Variants in CNTN5 observed in about 807,000 individuals in gnomAD.
The protein encoded by CNTN5 is contactin 5.
A neutral mutation model predicts 129.1 loss-of-function variants in CNTN5; 77 were observed. The ratio of observed to expected loss-of-function variants is 0.60; its 90% CI spans 0.50 to 0.72. The LOEUF is 0.72. Ranked by LOEUF, CNTN5 falls within the 30% of genes least tolerant of loss-of-function variation. The pLI, the probability that CNTN5 is intolerant of heterozygous loss-of-function variation, is 0.00. For missense variants in CNTN5, 1,478 were observed against 1,328.8 expected, an observed-to-expected ratio of 1.11 and a Z score of -1.75; for synonymous variants, 509 against 465.6, an observed-to-expected ratio of 1.09 and a Z score of -1.20.
chr11:99,570,250 T>C (rs1949136068), intron 3 of CNTN5, among the ~76,000 whole-genome samples: 1 of 152,182 alleles, frequency 6.6e-6, no homozygotes, highest in Non-Finnish European at 1.5e-5. Flanking sequence ...CAAAGCTATT[T>C]TTATTTAATA....
At chr11:99,625,715 A>G (rs763271455) in intron 3 of CNTN5, among the ~76,000 whole-genome samples, 2 of 152,080 alleles carry the variant, frequency 1.3e-5, no homozygotes, top group Admixed American at 6.6e-5. Flanking sequence ...CATACATCCC[A>G]TCACTTTTCT....
chr11:99,159,419 G>A (rs1860494009), intron 1 of CNTN5, among the ~76,000 whole-genome samples: 1 of 152,036 alleles, frequency 6.6e-6, no homozygotes, highest in Non-Finnish European at 1.5e-5. Context: ...TCAGGAGATC[G>A]AGACCATCCT....
chr11:100,351,907 AT>A lies in CNTN5; in HGVS notation c.3199+1048del, dbSNP rs369952668. ...AGTCAGACCAGAGGCATTGCTTGTG[AT>A]TTTTTTTTTTATGCCACCAAGTGAA... On this transcript the variant is annotated intron_variant, in intron 24 of 24. Transcript: ENST00000524871. 3.1e-3 allele frequency among the ~76,000 whole-genome samples: 448 copies of A among 146,318 alleles called. 15 individuals carry two copies. In the East Asian group the frequency reaches 0.063, roughly 21 times the overall value.
chr11:99,273,954 T>C (rs937249105), intron 1 of CNTN5, among the ~76,000 whole-genome samples: 1 of 151,738 alleles, frequency 6.6e-6, no homozygotes, highest in Non-Finnish European at 1.5e-5. Context: ...ACTGATCCTC[T>C]ACACCTGTGT....
At chr11:99,642,535 C>A (rs1333594658) in intron 3 of CNTN5, among the ~76,000 whole-genome samples, 1 of 152,244 alleles carries the variant, frequency 6.6e-6, no homozygotes, top group Admixed American at 6.5e-5. Context: ...TGTTTTGATA[C>A]ATTTATACAT....
At chr11:99,585,808 C>T (rs904501441) in intron 3 of CNTN5, among the ~76,000 whole-genome samples, 1 of 152,074 alleles carries the variant, frequency 6.6e-6, no homozygotes, top group Admixed American at 6.6e-5. Flanking sequence ...ATATCTGAAA[C>T]ATTTTGTAAT....
chr11:99,577,074 T>C (rs1949379435), intron 3 of CNTN5, among the ~76,000 whole-genome samples: 1 of 152,176 alleles, frequency 6.6e-6, no homozygotes, highest in Non-Finnish European at 1.5e-5. Context: ...GGTAGAGGTC[T>C]TTATTGGACT....
intron 8 of CNTN5, among the ~76,000 whole-genome samples, chr11:99,985,874 T>G (rs1938641430): frequency 6.6e-6 from 1 of 152,172 alleles, no homozygotes; most frequent in African/African-American, 2.4e-5. Flanking sequence ...TATTATGACT[T>G]CTCAGTTTCT....
intron 6 of CNTN5, among the ~76,000 whole-genome samples, chr11:99,898,905 C>T (rs999496680): frequency 7.2e-5 from 11 of 151,910 alleles, no homozygotes; most frequent in South Asian, 2.1e-4. Flanking sequence ...TCAAGATCAA[C>T]GTAAAGTTGC....
chr11:99,843,965 A>G (rs181954534), intron 4 of CNTN5, among the ~76,000 whole-genome samples: 83 of 152,330 alleles, frequency 5.4e-4, no homozygotes, highest in African/African-American at 1.8e-3. Flanking sequence ...CATAACTTGT[A>G]TTATCCTCTG....
intron 2 of CNTN5, among the ~76,000 whole-genome samples, chr11:99,419,484 T>G (rs1308329257): frequency 6.6e-6 from 1 of 152,212 alleles, no homozygotes; most frequent in Non-Finnish European, 1.5e-5. Context: ...GCTGAATGAA[T>G]GTTGAAACCA....
intron 1 of CNTN5, among the ~76,000 whole-genome samples, chr11:99,171,638 C>T (rs11218625): frequency 7.9e-5 from 12 of 152,182 alleles, no homozygotes; most frequent in African/African-American, 2.2e-4. Context: ...GAAAGAATTA[C>T]TAATGCCTAC....
intron 8 of CNTN5, among the ~76,000 whole-genome samples, chr11:99,962,196 C>T (rs191326847): frequency 3.7e-4 from 57 of 152,160 alleles, no homozygotes; most frequent in South Asian, 1.7e-3. Flanking sequence ...TTAGAGTACA[C>T]GTGCACAACA....
chr11:99,792,564 T>TGG, intron 3 of CNTN5, among the ~76,000 whole-genome samples: 1 of 125,330 alleles, frequency 8.0e-6, no homozygotes, highest in South Asian at 2.9e-4. Context: ...TGTGTGTGTG[T>TGG]GTGTGTGTGT....
At chr11:100,257,906 G>T (rs1187184458) in intron 17 of CNTN5, among the ~76,000 whole-genome samples, 2 of 152,032 alleles carry the variant, frequency 1.3e-5, no homozygotes, top group Admixed American at 1.3e-4. Flanking sequence ...ACAACTCCTC[G>T]CCAGCAAGGG....
intron 1 of CNTN5, among the ~76,000 whole-genome samples, chr11:99,244,345 G>A (rs1027843616): frequency 2.0e-5 from 3 of 152,064 alleles, no homozygotes; most frequent in Admixed American, 2.0e-4. Context: ...TCAGTTCCAG[G>A]AGACTTTTGT....
chr11:100,195,140 A>C (rs947905971), intron 15 of CNTN5, among the ~76,000 whole-genome samples: 7 of 152,024 alleles, frequency 4.6e-5, no homozygotes, highest in Non-Finnish European at 1.0e-4. Context: ...TGTAAAACAG[A>C]CCAAGAAAAT....
chr11:99,382,475 G>A (rs1384110629), intron 2 of CNTN5, among the ~76,000 whole-genome samples: 1 of 152,112 alleles, frequency 6.6e-6, no homozygotes, highest in East Asian at 1.9e-4. Flanking sequence ...CAATTTGACA[G>A]CCTCCAATTT....
At chr11:100,327,877 C>T (rs1450460030) in intron 21 of CNTN5, among the ~76,000 whole-genome samples, 1 of 151,952 alleles carries the variant, frequency 6.6e-6, no homozygotes, top group African/African-American at 2.4e-5. Context: ...AGTAGAAAGA[C>T]AAAATTACTC....
Sources: allele counts gnomAD v4.1 joint callset (sites outside exome capture counted in the v4.1 genomes callset), GRCh38; gene constraint gnomAD v4.1.1; transcripts MANE v1.5; gene names NCBI Gene and HGNC (gene_info 2026-07-23, HGNC 2026-07-21).